Variants in MAGI1 observed in about 807,000 individuals in gnomAD.
The protein encoded by MAGI1 is membrane associated guanylate kinase, WW and PDZ domain containing 1.
In MAGI1, 58 loss-of-function variants were observed where a neutral mutation model predicts 139.9. The observed-to-expected ratio is 0.41, with a 90% CI of 0.34 to 0.52. The LOEUF is 0.52. Ranked by LOEUF, MAGI1 falls within the 20% of genes least tolerant of loss-of-function variation. The probability of loss-of-function intolerance (pLI) is 0.12; values close to 1 mark genes in which losing one functional copy is unlikely to be tolerated. For synonymous variants in MAGI1, 812 were observed against 737.9 expected (o/e 1.10, Z -1.63); for missense variants, 1,874 against 1,901.6 (o/e 0.99, Z 0.27).
At chr3:65,671,320 T>A (rs577771836) in intron 1 of MAGI1, among the ~76,000 whole-genome samples, 1 of 152,294 alleles carries the variant, frequency 6.6e-6, no homozygotes, top group South Asian at 2.1e-4. Context: ...TGCTCTGCAT[T>A]GCTATGCACT....
chr3:65,943,078 A>G (rs866650125), intron 1 of MAGI1, among the ~76,000 whole-genome samples: 7 of 152,236 alleles, frequency 4.6e-5, no homozygotes, highest in African/African-American at 1.7e-4. Context: ...CAAGTGGTAT[A>G]TAAGTGCTTG....
intron 1 of MAGI1, among the ~76,000 whole-genome samples, chr3:66,037,755 A>G (rs982803727): frequency 6.6e-6 from 1 of 152,150 alleles, no homozygotes; most frequent in Non-Finnish European, 1.5e-5. Context: ...TTGGCCAGCC[A>G]GGCCTGAGAA....
Position 65,902,900 on chromosome 3 carries a change from T to C in MAGI1, c.313+135096A>G, listed in dbSNP as rs112257148. 609 of 152,406 alleles carry C rather than the reference T, an allele frequency of 4.0e-3. 9 individuals are homozygous for C. Among genetic ancestry groups the C allele is most frequent in the Non-Finnish European group, 3.1e-3 (211 of 68,044 alleles). 9.4% of individuals were successfully genotyped at this position (152,406 alleles called of 1,614,324 possible). A position where few individuals can be genotyped will look rare whatever the true frequency, so the allele number is the denominator to read the frequency against. ...AAATTAAGGATCAAAAGGAATAGAA[T>C]GAAAGGGTCATAGGTGTCACTAAAT... On this transcript the variant is annotated intron_variant, in intron 1 of 22. Coordinates refer to ENST00000402939, the MANE Select transcript of MAGI1 (RefSeq NM_001033057.2).
chr3:65,961,184 C>T (rs970941341), intron 1 of MAGI1, among the ~76,000 whole-genome samples: 7 of 152,170 alleles, frequency 4.6e-5, no homozygotes, highest in Non-Finnish European at 7.3e-5. Context: ...AGGCTATTAC[C>T]ACTTACTGCA....
chr3:65,557,677 A>C (rs2080151367), intron 2 of MAGI1, among the ~76,000 whole-genome samples: 1 of 152,200 alleles, frequency 6.6e-6, no homozygotes, highest in Non-Finnish European at 1.5e-5. Flanking sequence ...TGTTTAACGA[A>C]ATCGATCAGT....
chr3:65,617,721 G>A (rs2083449911), intron 2 of MAGI1, among the ~76,000 whole-genome samples: 1 of 151,962 alleles, frequency 6.6e-6, no homozygotes, highest in African/African-American at 2.4e-5. Flanking sequence ...AAAGCGTTAT[G>A]GTCAAAGCAA....
chr3:65,368,531 T>C (rs1052834351), intron 18 of MAGI1, among the ~76,000 whole-genome samples: 1 of 152,226 alleles, frequency 6.6e-6, no homozygotes, highest in Non-Finnish European at 1.5e-5. Flanking sequence ...GCAATTACAA[T>C]TCTAACCTTG....
intron 1 of MAGI1, chr3:65,687,550 T>C: frequency 2.7e-6 from 1 of 371,104 alleles, no homozygotes; most frequent in Non-Finnish European, 5.5e-6. Flanking sequence ...AAATAAACAA[T>C]GTGATTGACA....
intron 1 of MAGI1, among the ~76,000 whole-genome samples, chr3:65,821,589 A>C (rs1242698317): frequency 1.3e-5 from 2 of 152,346 alleles, no homozygotes; most frequent in South Asian, 4.1e-4. Context: ...CAGAGGTCTA[A>C]GATGTTACAA....
In MAGI1 at chr3:65,798,496, C is replaced by T. The variant is rs566986019; in HGVS notation, c.314-176408G>A. ...AAAGGAAGCCGCCAACTGTAGGCCT[C>T]GGGCCAAGATAGGTGTAGGGGTGCT... On this transcript the variant is annotated intron_variant, in intron 1 of 22. Transcript: ENST00000402939. 1.1e-4 allele frequency among the ~76,000 whole-genome samples: 17 copies of T among 152,262 alleles called. No individual in the cohort carries two copies. In the East Asian group the frequency reaches 2.7e-3, roughly 24 times the overall value.
Position 66,038,130 on chromosome 3 carries a change from TCGC to T in MAGI1, c.176_178del (p.Gly59del). Reference sequence around the variant, plus strand: ...CTCCCCTTCGCCCAGCCTCGGGCCCTCGCCGCCGCCGGGAAGCCCCGCTGCCTC... The same window carrying T: ...CTCCCCTTCGCCCAGCCTCGGGCCCTCGCCGCCGGGAAGCCCCGCTGCCTC... On this transcript the variant is annotated inframe_deletion, in exon 1 of 23. Transcript: ENST00000402939. The T allele has an allele frequency of 1.2e-6, 2 of 1,612,042 alleles. No homozygotes were observed. Among genetic ancestry groups the T allele is most frequent in the East Asian group, 2.2e-5 (1 of 44,792 alleles).
chr3:65,855,647 A>G, intron 1 of MAGI1, among the ~76,000 whole-genome samples: 1 of 20,828 alleles, frequency 4.8e-5, no homozygotes, highest in Non-Finnish European at 1.2e-4. Flanking sequence ...GGAGAAACAG[A>G]GAGAGAGAAA....
intron 2 of MAGI1, chr3:65,597,924 G>GT (rs2082298561): frequency 8.5e-6 from 3 of 354,124 alleles, no homozygotes; most frequent in South Asian, 4.0e-5. Flanking sequence ...AGAGGCGGGG[G>GT]TGGGGGGGGG....
intron 1 of MAGI1, among the ~76,000 whole-genome samples, chr3:65,826,757 A>G (rs1443856687): frequency 1.4e-5 from 2 of 144,656 alleles, no homozygotes; most frequent in African/African-American, 5.8e-5. Context: ...CAGATCCTCC[A>G]TAAACCCTTT....
In MAGI1 at chr3:65,364,834, G is replaced by T. The variant is rs372039757; in HGVS notation, c.3290+19C>A. The T allele has an allele frequency of 5.3e-5, 86 of 1,613,522 alleles. 2 individuals are homozygous for T. The highest frequency in any genetic ancestry group is 5.0e-4 in the Admixed American group (30 of 59,994). ...GTTACTTTTTTCCCCTTTAACAAAGGAAACCAGTCATGTCTGACCTTGTCT... is the reference window on the plus strand; with the variant it reads ...GTTACTTTTTTCCCCTTTAACAAAGTAAACCAGTCATGTCTGACCTTGTCT... On this transcript the variant is annotated intron_variant, in intron 19 of 22. Coordinates refer to ENST00000402939, the MANE Select transcript of MAGI1 (RefSeq NM_001033057.2).
intron 2 of MAGI1, among the ~76,000 whole-genome samples, chr3:65,565,910 G>A (rs1186006693): frequency 1.3e-5 from 2 of 151,256 alleles, no homozygotes; most frequent in Non-Finnish European, 1.5e-5. Context: ...AGTGGATTTG[G>A]AGGAAGTCCT....
At chr3:65,388,705 G>A (rs1442999392) in intron 14 of MAGI1, among the ~76,000 whole-genome samples, 2 of 151,894 alleles carry the variant, frequency 1.3e-5, no homozygotes, top group African/African-American at 4.8e-5. Context: ...CATCAATTAG[G>A]TTGCTACTAT....
chr3:65,401,068 A>T (rs1944849618), intron 13 of MAGI1, among the ~76,000 whole-genome samples: 1 of 152,162 alleles, frequency 6.6e-6, no homozygotes, highest in South Asian at 2.1e-4. Flanking sequence ...CTCACGGAGC[A>T]GGTGGAGCTT....
rs1181522699 is a variant in MAGI1, at chr3:66,038,272, T to G, written c.37A>C (p.Ser13Arg). ...KVIQKKNHWT[S>R]RVHECTVKRG... is the part of the protein sequence containing the mutation. The stretch of plus-strand genomic sequence containing the variant: ...TTCACGGTGCATTCGTGAACCCTGC[T>G]AGTCCAGTGGTTCTTCTTCTGGATC... Residue 13 changes from serine to arginine, a missense_variant, in exon 1 of 23, where the codon AGC (serine) becomes CGC (arginine). Around this residue, in one of 5 missense-constraint regions of MAGI1, gnomAD observed 648 missense variants for 598.1 expected, o/e 1.08. Transcript: ENST00000402939. The G allele has an allele frequency of 6.2e-7, 1 of 1,603,972 alleles. No individual in the cohort carries two copies. Among genetic ancestry groups the G allele is most frequent in the South Asian group, 1.1e-5 (1 of 90,218 alleles).
Sources: gnomAD v4.1 joint callset for allele counts (sites outside exome capture counted in the v4.1 genomes callset) on GRCh38, gnomAD v4.1.1 for gene constraint, gnomAD v4.1.1 regional missense constraint, MANE v1.5 for transcripts, NCBI Gene and HGNC (gene_info 2026-07-23, HGNC 2026-07-21) for gene names.